Variants in CDC73 observed in about 807,000 individuals in gnomAD.
CDC73 encodes cell division cycle 73, also known as parafibromin.
In CDC73, 21 loss-of-function variants were observed where a neutral mutation model predicts 83.7. That is an observed-to-expected ratio of 0.25 (90% CI 0.18 to 0.36). The LOEUF (loss-of-function observed/expected upper bound fraction) is 0.36. Among genes scored for constraint, CDC73 ranks in the 10% least tolerant of loss-of-function variants. The pLI is 1.00. For synonymous variants in CDC73, 224 were observed against 212.9 expected, an observed-to-expected ratio of 1.05 and a Z score of -0.45; for missense variants, 342 against 653.3, an observed-to-expected ratio of 0.52 and a Z score of 5.19.
chr1:193,157,707 C>A (rs1676231288), intron 10 of CDC73, among the ~76,000 whole-genome samples: 2 of 152,146 alleles, frequency 1.3e-5, no homozygotes, highest in African/African-American at 4.8e-5. Flanking sequence ...CTGTTTTGGC[C>A]GTCTAGTTTG....
At chr1:193,241,770 T>A (rs1459601262) in intron 15 of CDC73, among the ~76,000 whole-genome samples, 1 of 152,174 alleles carries the variant, frequency 6.6e-6, no homozygotes, top group African/African-American at 2.4e-5. Context: ...CCCCAAAATG[T>A]GTGCTCAGGC....
chr1:193,219,865 G>T (rs1167045208), intron 13 of CDC73, among the ~76,000 whole-genome samples: 8 of 152,152 alleles, frequency 5.3e-5, no homozygotes, highest in African/African-American at 1.9e-4. Flanking sequence ...ACCTGCACGT[G>T]TACCTCTTGA....
rs1273641298 is a variant in CDC73, at chr1:193,186,759, T to C, written c.973-17036T>C. 2.0e-5 allele frequency: 3 copies of C among 152,176 alleles called. No individual in the cohort carries two copies. In the East Asian group the frequency reaches 5.8e-4, roughly 29 times the overall value. 9.4% of individuals were successfully genotyped at this position (152,176 alleles called of 1,614,324 possible). A position where few individuals can be genotyped will look rare whatever the true frequency, so the allele number is the denominator to read the frequency against. ...TTGCTTTTATGTGATAAATTATATA[T>C]GTTGAATGCAAGTGTAGTGATGAGT... On this transcript the variant is annotated intron_variant, in intron 10 of 16. Transcript: ENST00000367435.
At chr1:193,180,092 A>G (rs1676686354) in intron 10 of CDC73, 1 of 436,388 alleles carries the variant, frequency 2.3e-6, no homozygotes, top group Admixed American at 4.1e-5. Flanking sequence ...AGTTTTTTAA[A>G]TAGATTGTTT....
At chr1:193,240,287 A>G (rs1393348957) in intron 15 of CDC73, among the ~76,000 whole-genome samples, 2 of 152,212 alleles carry the variant, frequency 1.3e-5, no homozygotes, top group African/African-American at 2.4e-5. Context: ...GGTTGATTCC[A>G]GATCTTGACT....
chr1:193,213,082 C>G (rs1034613761), intron 13 of CDC73, among the ~76,000 whole-genome samples: 20 of 152,178 alleles, frequency 1.3e-4, no homozygotes, highest in African/African-American at 4.8e-4. Context: ...CAACCACTTT[C>G]AGATTTAAAA....
chr1:193,230,635 A>G (rs1049496477), intron 13 of CDC73, among the ~76,000 whole-genome samples: 1 of 152,054 alleles, frequency 6.6e-6, no homozygotes, highest in Non-Finnish European at 1.5e-5. Flanking sequence ...AGTTTTCTGG[A>G]GGGATGATGA....
chr1:193,152,744 G>A (rs1676136549), intron 10 of CDC73, among the ~76,000 whole-genome samples: 1 of 151,990 alleles, frequency 6.6e-6, no homozygotes, highest in Admixed American at 6.6e-5. Context: ...GTTTGGGAGA[G>A]CTTTTTCGCA....
intron 10 of CDC73, among the ~76,000 whole-genome samples, chr1:193,178,261 T>G (rs932535740): frequency 6.6e-6 from 1 of 152,152 alleles, no homozygotes; most frequent in African/African-American, 2.4e-5. Flanking sequence ...GATATCAGAT[T>G]ACTATCGTTT....
chr1:193,143,262 C>T (rs1041388647), intron 7 of CDC73, among the ~76,000 whole-genome samples: 4 of 152,072 alleles, frequency 2.6e-5, no homozygotes, highest in Non-Finnish European at 4.4e-5. Context: ...AGTAAACTTC[C>T]ATTTTTGCTA....
At chr1:193,168,914 T>A (rs1243074307) in intron 10 of CDC73, among the ~76,000 whole-genome samples, 2 of 152,234 alleles carry the variant, frequency 1.3e-5, no homozygotes, top group Non-Finnish European at 1.5e-5. Flanking sequence ...TGCTACAATT[T>A]GAATTTCGTG....
At chr1:193,243,921 A>G (rs942481267) in intron 15 of CDC73, among the ~76,000 whole-genome samples, 11 of 152,338 alleles carry the variant, frequency 7.2e-5, no homozygotes, top group African/African-American at 2.4e-4. Flanking sequence ...TCAAAAGCCA[A>G]TATGCTAGCA....
chr1:193,221,990 A>G (rs1353952867), intron 13 of CDC73, among the ~76,000 whole-genome samples: 3 of 152,168 alleles, frequency 2.0e-5, no homozygotes, highest in Admixed American at 2.0e-4. Context: ...AGTTTTATGT[A>G]CAACTGAGGA....
At chr1:193,216,977 A>C (rs577655593) in intron 13 of CDC73, among the ~76,000 whole-genome samples, 1 of 152,198 alleles carries the variant, frequency 6.6e-6, no homozygotes, top group Admixed American at 6.5e-5. Context: ...CCTACAGCCA[A>C]CATCATACTG....
At chr1:193,181,638 G>C in intron 10 of CDC73, 2 of 1,307,854 alleles carry the variant, frequency 1.5e-6, no homozygotes, top group Non-Finnish European at 2.1e-6. Flanking sequence ...CTATTCTTTG[G>C]CAATCATTTT....
At chr1:193,152,547 T>C (rs1676132334) in intron 10 of CDC73, 103 bp downstream of exon 10, 1 of 762,526 alleles carries the variant, frequency 1.3e-6, no homozygotes, top group Admixed American at 2.0e-5. Context: ...ATTTCAAACA[T>C]TTTTCTTTAT....
intron 13 of CDC73, among the ~76,000 whole-genome samples, chr1:193,223,742 T>C (rs1245965455): frequency 6.6e-6 from 1 of 152,156 alleles, no homozygotes; most frequent in East Asian, 1.9e-4. Context: ...ATCCAATGAA[T>C]AGCAGTCTGC....
intron 11 of CDC73, among the ~76,000 whole-genome samples, chr1:193,209,811 A>G (rs888925395): frequency 6.6e-6 from 1 of 152,066 alleles, no homozygotes; most frequent in East Asian, 1.9e-4. Context: ...TTTCCTTACC[A>G]AATCCAACAG....
chr1:193,211,275 A>G (rs190185043), intron 11 of CDC73, among the ~76,000 whole-genome samples: 221 of 152,302 alleles, frequency 1.5e-3, no homozygotes, highest in African/African-American at 5.1e-3. Context: ...TCTTAACACT[A>G]TCACTCACTG....
Sources: allele counts gnomAD v4.1 joint callset (sites outside exome capture counted in the v4.1 genomes callset), GRCh38; gene constraint gnomAD v4.1.1; transcripts MANE v1.5; gene names NCBI Gene and HGNC (gene_info 2026-07-23, HGNC 2026-07-21).